Variants in LRP1B observed in about 807,000 individuals in gnomAD.
LRP1B encodes the protein LDL receptor related protein 1B.
LRP1B carries 217 observed loss-of-function variants against 556.6 expected under a neutral mutation model. The ratio of observed to expected loss-of-function variants is 0.39; its 90% confidence interval spans 0.35 to 0.44. The LOEUF is 0.44. Ranked by LOEUF, LRP1B falls within the 20% of genes least tolerant of loss-of-function variation. The pLI, the probability that LRP1B is intolerant of heterozygous loss-of-function variation, is 1.00. For synonymous variants in LRP1B, 2,047 were observed against 1,865.8 expected, an observed-to-expected ratio of 1.10 and a Z score of -2.50; for missense variants, 5,053 against 5,620.8, an observed-to-expected ratio of 0.90 and a Z score of 3.23.
At position 141,903,860 on chromosome 2, in the gene LRP1B, C is replaced by A. The variant is rs144143720; in HGVS notation, c.83-93459G>T. On this transcript the variant is annotated intron_variant, in intron 1 of 90. Transcript: ENST00000389484. Reference sequence around the variant, plus strand: ...TTACGTGGTAGATGTAACTGATGGACCAGTTACTTGTTTAGGGTAATCAGA... The same window carrying A: ...TTACGTGGTAGATGTAACTGATGGAACAGTTACTTGTTTAGGGTAATCAGA... Among the ~76,000 whole-genome samples, 914 of 151,882 alleles carry A rather than the reference C, an allele frequency of 6.0e-3. 8 individuals carry two copies. Among genetic ancestry groups the A allele is most frequent in the African/African-American group, 0.021 (861 of 41,448 alleles).
chr2:141,741,560 C>A (rs1371573978), intron 2 of LRP1B, among the ~76,000 whole-genome samples: 1 of 151,894 alleles, frequency 6.6e-6, no homozygotes, highest in Non-Finnish European at 1.5e-5. Flanking sequence ...TATTGAGCAC[C>A]TTTTCATATT....
chr2:140,417,510 G>A (rs1451183119), intron 66 of LRP1B, among the ~76,000 whole-genome samples: 1 of 152,186 alleles, frequency 6.6e-6, no homozygotes, highest in African/African-American at 2.4e-5. Context: ...GCTTGTTTTT[G>A]TGCAATACAT....
intron 1 of LRP1B, among the ~76,000 whole-genome samples, chr2:142,123,440 T>C (rs1707526453): frequency 6.6e-6 from 1 of 152,116 alleles, no homozygotes; most frequent in Admixed American, 6.6e-5. Flanking sequence ...CGATAGGTGG[T>C]ACCTTGATCT....
intron 68 of LRP1B, among the ~76,000 whole-genome samples, chr2:140,374,455 A>G (rs1683133057): frequency 6.6e-6 from 1 of 152,136 alleles, no homozygotes; most frequent in South Asian, 2.1e-4. Flanking sequence ...TAGAAATGGA[A>G]CTACTTAAGA....
intron 2 of LRP1B, among the ~76,000 whole-genome samples, chr2:141,594,482 C>A (rs1687447082): frequency 6.6e-6 from 1 of 152,086 alleles, no homozygotes; most frequent in Non-Finnish European, 1.5e-5. Context: ...CCAAAGATTT[C>A]TCATTCACTA....
intron 2 of LRP1B, among the ~76,000 whole-genome samples, chr2:141,585,887 T>C (rs1559157992): frequency 4.8e-5 from 7 of 145,048 alleles, no homozygotes; most frequent in Non-Finnish European, 1.5e-5. Flanking sequence ...CAGGTGCACT[T>C]TTTTTTTTTT....
At chr2:140,566,235 G>A (rs781428177) in intron 43 of LRP1B, among the ~76,000 whole-genome samples, 2 of 152,134 alleles carry the variant, frequency 1.3e-5, no homozygotes, top group African/African-American at 2.4e-5. Flanking sequence ...AGTTGTAGAA[G>A]TCCTCCACCC....
At chr2:141,561,022 C>G (rs1574080469) in intron 2 of LRP1B, among the ~76,000 whole-genome samples, 1 of 151,692 alleles carries the variant, frequency 6.6e-6, no homozygotes, top group African/African-American at 2.4e-5. Flanking sequence ...ATTGAGTAAT[C>G]AAACTATGAA....
intron 7 of LRP1B, among the ~76,000 whole-genome samples, chr2:141,125,857 A>AC (rs1553463714): frequency 2.0e-5 from 3 of 150,476 alleles, no homozygotes; most frequent in Non-Finnish European, 4.4e-5. Flanking sequence ...AAAAAAAAAA[A>AC]AAAACAAAAA....
At position 140,457,575 on chromosome 2, in the gene LRP1B, G is replaced by C. The variant is rs2105324108; in HGVS notation, c.9702C>G (p.Thr3234=). ...EDYIYWTDGK[T]KSLSRAHKTS... ...TTTTATGGGCACGGCTGAGTGACTT[G>C]GTTTTCCCATCAGTCCAGTAGATGT... The change falls in exon 61 of 91, where the codon ACC becomes ACG. Residue 3234 remains threonine (T), a synonymous_variant. Transcript: ENST00000389484. 6.2e-7 allele frequency: 1 copy of C among 1,613,774 alleles called. No individual in the cohort carries two copies. Among genetic ancestry groups the C allele is most frequent in the Non-Finnish European group, 8.5e-7 (1 of 1,179,766 alleles).
At chr2:141,836,209 C>A (rs1464687228) in intron 1 of LRP1B, among the ~76,000 whole-genome samples, 1 of 151,746 alleles carries the variant, frequency 6.6e-6, no homozygotes. Flanking sequence ...GAGGATTAGT[C>A]AAAATATTAC....
At chr2:140,238,564 T>C (rs1313623095) in intron 88 of LRP1B, among the ~76,000 whole-genome samples, 1 of 150,928 alleles carries the variant, frequency 6.6e-6, no homozygotes, top group Non-Finnish European at 1.5e-5. Flanking sequence ...TTTTAAATTC[T>C]ATTTTTTCTC....
intron 41 of LRP1B, among the ~76,000 whole-genome samples, chr2:140,641,582 C>T (rs953644429): frequency 6.6e-6 from 1 of 152,188 alleles, no homozygotes; most frequent in African/African-American, 2.4e-5. Flanking sequence ...AAATCCTACA[C>T]TGTGTCCCGT....
chr2:141,238,639 T>C (rs558902296), intron 5 of LRP1B, among the ~76,000 whole-genome samples: 2 of 152,258 alleles, frequency 1.3e-5, no homozygotes, highest in East Asian at 3.9e-4. Flanking sequence ...ATGAATATTG[T>C]TTGGCAGTGA....
intron 7 of LRP1B, among the ~76,000 whole-genome samples, chr2:141,175,410 C>T (rs1013021591): frequency 6.6e-6 from 1 of 152,130 alleles, no homozygotes; most frequent in Non-Finnish European, 1.5e-5. Context: ...GACTTGATGA[C>T]CTGCATAGCA....
intron 6 of LRP1B, among the ~76,000 whole-genome samples, chr2:141,204,799 C>A (rs149976351): frequency 0.045 from 6,762 of 151,704 alleles, 167 homozygotes; most frequent in South Asian, 0.1. Context: ...TAGCCAGGTG[C>A]GGTGGCAGGT....
At chr2:140,703,488 T>A (rs549942744) in intron 37 of LRP1B, among the ~76,000 whole-genome samples, 1 of 152,280 alleles carries the variant, frequency 6.6e-6, no homozygotes, top group South Asian at 2.1e-4. Context: ...TGAAGTTACA[T>A]CTACTGAAGT....
At chr2:140,347,947 A>T (rs1045851237) in intron 77 of LRP1B, among the ~76,000 whole-genome samples, 2 of 152,072 alleles carry the variant, frequency 1.3e-5, no homozygotes, top group African/African-American at 4.8e-5. Flanking sequence ...TTTACATGGC[A>T]CAAGTGTTTA....
intron 3 of LRP1B, among the ~76,000 whole-genome samples, chr2:141,399,325 A>G (rs1290449444): frequency 6.6e-6 from 1 of 152,070 alleles, no homozygotes; most frequent in Non-Finnish European, 1.5e-5. Context: ...TAAATATGAG[A>G]TGTACCTTAC....
Sources: allele counts gnomAD v4.1 joint callset (sites outside exome capture counted in the v4.1 genomes callset), GRCh38; gene constraint gnomAD v4.1.1; transcripts MANE v1.5; gene names NCBI Gene and HGNC (gene_info 2026-07-23, HGNC 2026-07-21).